SMARCC2: variants seen among roughly 807,000 people sequenced by gnomAD.
The protein encoded by SMARCC2 is SWI/SNF complex subunit SMARCC2.
Under a neutral mutation model 151.3 loss-of-function variants are expected in SMARCC2, and 15 were observed. That is an observed-to-expected ratio of 0.10 (90% CI 0.07 to 0.15). SMARCC2 has a LOEUF of 0.15. Among genes scored for constraint, SMARCC2 ranks in the 10% least tolerant of loss-of-function variants. The pLI is 1.00. For missense variants in SMARCC2, 1,031 were observed against 1,599.7 expected, an observed-to-expected ratio of 0.64 and a Z score of 6.06; for synonymous variants, 590 against 609.5, an observed-to-expected ratio of 0.97 and a Z score of 0.47.
At position 56,162,487 on chromosome 12, in the gene SMARCC2, G is replaced by T; in HGVS notation, c.*1202C>A. Reference sequence around the variant, plus strand: ...GAGGGAGAGAAACATGGGGACATGAGGAACAAAGGGCCTGGTGGGAGGAAC... The same window carrying T: ...GAGGGAGAGAAACATGGGGACATGATGAACAAAGGGCCTGGTGGGAGGAAC... On this transcript the variant is annotated 3_prime_UTR_variant, in exon 29 of 29. Transcript: ENST00000550164. The T allele has an allele frequency of 1.7e-6, 1 of 573,130 alleles. No homozygotes were observed. The highest frequency in any genetic ancestry group is 2.4e-5 in the South Asian group (1 of 42,502). The allele number at this position is 573,130 out of a possible 1,614,324, so 35.5% of individuals were successfully genotyped here.
At chr12:56,170,004 T>G (rs1324792591) in intron 23 of SMARCC2, 93 bp from the exon 24 acceptor site, 2 of 1,448,466 alleles carry the variant, frequency 1.4e-6, no homozygotes, top group Non-Finnish European at 1.9e-6. Context: ...AATTTATTCC[T>G]CTTACTTTGG....
intron 16 of SMARCC2, among the ~76,000 whole-genome samples, chr12:56,174,136 C>A (rs1874486351): frequency 6.6e-6 from 1 of 152,200 alleles, no homozygotes; most frequent in Admixed American, 6.5e-5. Context: ...CAGTTTCTTT[C>A]TTTTTTTCCC....
chr12:56,172,293 G>C (rs1874098921), intron 20 of SMARCC2, 135 bp downstream of exon 20: 2 of 763,456 alleles, frequency 2.6e-6, no homozygotes, highest in African/African-American at 3.5e-5. Flanking sequence ...TGTTGCCCAG[G>C]TTCATCTCGA....
At chr12:56,167,517 CTTTTT>C (rs1592278468) in intron 26 of SMARCC2, among the ~76,000 whole-genome samples, 1 of 152,124 alleles carries the variant, frequency 6.6e-6, no homozygotes, top group Admixed American at 6.6e-5. Flanking sequence ...TTGTCTATTT[CTTTTT>C]ATGTCCTCCA....
At chr12:56,178,639 G>A in intron 13 of SMARCC2, 105 bp from the exon 14 acceptor site, 3 of 1,540,174 alleles carry the variant, frequency 1.9e-6, no homozygotes, top group Non-Finnish European at 2.7e-6. Flanking sequence ...ATGGGTGATG[G>A]GACTGAGCAG....
chr12:56,183,694 TA>T, intron 7 of SMARCC2, 166 bp downstream of exon 7: 1 of 534,474 alleles, frequency 1.9e-6, no homozygotes, highest in East Asian at 3.0e-5. Context: ...GCTTGTCCAC[TA>T]AGTCCAAACC....
rs1025329696 is a variant in SMARCC2, at chr12:56,172,706, T to C, written c.1744-2A>G. ...CATTTGTTGGGAAGCAGAGGTCTGCTATTTGTGGAGGGAAAGAAACAGGTG... is the reference window on the plus strand; with the variant it reads ...CATTTGTTGGGAAGCAGAGGTCTGCCATTTGTGGAGGGAAAGAAACAGGTG... On this transcript the variant is annotated splice_acceptor_variant, in intron 18 of 28. Coordinates refer to ENST00000550164, the MANE Select transcript of SMARCC2 (RefSeq NM_001330288.2). LOFTEE classifies it high-confidence loss of function. The C allele has an allele frequency of 8.1e-6, 13 of 1,613,990 alleles. No individual in the cohort carries two copies. Among genetic ancestry groups the C allele is most frequent in the Non-Finnish European group, 1.1e-5 (13 of 1,180,046 alleles).
chr12:56,163,653 A>G lies in SMARCC2; in HGVS notation c.*36T>C. On this transcript the variant is annotated 3_prime_UTR_variant, in exon 29 of 29. Coordinates refer to ENST00000550164, the MANE Select transcript of SMARCC2 (RefSeq NM_001330288.2). ...GGCTGTTCCTGGAACCGTGATGTCC[A>G]CAGGGGGTGAGGGGGAGAGATGTCT... 7.8e-7 allele frequency: 1 copy of G among 1,286,848 alleles called. No individual in the cohort carries two copies. Among genetic ancestry groups the G allele is most frequent in the Non-Finnish European group, 1.1e-6 (1 of 948,902 alleles). The allele number at this position is 1,286,848 out of a possible 1,614,324, so 79.7% of individuals were successfully genotyped here.
chr12:56,166,651 G>T (rs1311410655), intron 26 of SMARCC2, among the ~76,000 whole-genome samples: 4 of 151,162 alleles, frequency 2.6e-5, no homozygotes, highest in African/African-American at 9.7e-5. Context: ...ATGCAATGGG[G>T]CAAACATGGC....
Position 56,182,003 on chromosome 12 carries a change from C to T in SMARCC2, c.708+1G>A. ...GAAGAGGGGATACAAGAAAAGCTCA[C>T]CTTCCTAGGTTTCTCAGGAGTTGGA... is the stretch of plus-strand genomic sequence containing the variant. On this transcript the variant is annotated splice_donor_variant, in intron 8 of 28. Coordinates refer to ENST00000550164, the MANE Select transcript of SMARCC2 (RefSeq NM_001330288.2). LOFTEE classifies it high-confidence loss of function. 6.2e-7 allele frequency: 1 copy of T among 1,609,390 alleles called. No homozygotes were observed. The highest frequency in any genetic ancestry group is 1.1e-5 in the South Asian group (1 of 90,492).
At chr12:56,172,053 T>C (rs1874047023) in intron 20 of SMARCC2, 116 bp from the exon 21 acceptor site, 1 of 902,280 alleles carries the variant, frequency 1.1e-6, no homozygotes, top group East Asian at 2.5e-5. Flanking sequence ...CTGGTATTTG[T>C]GTACTCTGCT....
At chr12:56,175,704 G>A (rs1285995210) in intron 15 of SMARCC2, among the ~76,000 whole-genome samples, 1 of 152,264 alleles carries the variant, frequency 6.6e-6, no homozygotes, top group East Asian at 1.9e-4. Context: ...CTTTATGCAG[G>A]TGACTTGACT....
chr12:56,162,512 C>A lies in SMARCC2; in HGVS notation c.*1177G>T. 1.8e-6 allele frequency: 1 copy of A among 558,132 alleles called. No individual in the cohort carries two copies. Among genetic ancestry groups the A allele is most frequent in the Non-Finnish European group, 3.1e-6 (1 of 319,190 alleles). 34.6% of individuals were successfully genotyped at this position (558,132 alleles called of 1,614,324 possible). A position where few individuals can be genotyped will look rare whatever the true frequency, so the allele number is the denominator to read the frequency against. ...GGAACAAAGGGCCTGGTGGGAGGAA[C>A]CAAGAAGAACCAGTGCAGAGCCTGG... On this transcript the variant is annotated 3_prime_UTR_variant, in exon 29 of 29. Coordinates refer to ENST00000550164, the MANE Select transcript of SMARCC2 (RefSeq NM_001330288.2).
Position 56,187,457 on chromosome 12 carries a change from AG to A in SMARCC2, c.112-152del, listed in dbSNP as rs1877478535. ...TAGTCTCTATAAAGAAAATGGCAAAAGGGAGGCCCTGGACACCCCAACCAGG... is the reference window on the plus strand; with the variant it reads ...TAGTCTCTATAAAGAAAATGGCAAAAGGAGGCCCTGGACACCCCAACCAGG... On this transcript the variant is annotated intron_variant, in intron 1 of 28. Coordinates refer to ENST00000550164, the MANE Select transcript of SMARCC2 (RefSeq NM_001330288.2). The A allele has an allele frequency of 4.1e-6, 3 of 727,560 alleles. No homozygotes were observed. In the South Asian group the frequency reaches 5.8e-5, roughly 14 times the overall value. The allele number at this position is 727,560 out of a possible 1,614,324, so 45.1% of individuals were successfully genotyped here. A position where few individuals can be genotyped will look rare whatever the true frequency, so the allele number is the denominator to read the frequency against.
chr12:56,174,788 CAAG>C (rs758888963), intron 15 of SMARCC2, 24 bp from the exon 16 acceptor site: 149 of 1,446,610 alleles, frequency 1.0e-4, no homozygotes, highest in Non-Finnish European at 1.3e-4. Flanking sequence ...GAGAGAGAAA[CAAG>C]AAGAAGAAAA....
intron 11 of SMARCC2, 74 bp downstream of exon 11, chr12:56,180,903 T>G (rs551494010): frequency 1.3e-6 from 2 of 1,483,052 alleles, no homozygotes; most frequent in Admixed American, 4.2e-5. Flanking sequence ...AGAAATCAGC[T>G]CACTTGGGGT....
At chr12:56,186,016 C>T (rs1213031178) in intron 3 of SMARCC2, 139 bp downstream of exon 3, 1 of 674,936 alleles carries the variant, frequency 1.5e-6, no homozygotes, top group African/African-American at 1.8e-5. Context: ...AACCATCTTC[C>T]TGACGTAGTA....
intron 17 of SMARCC2, 54 bp downstream of exon 17, chr12:56,173,642 T>G: frequency 6.6e-7 from 1 of 1,511,900 alleles, no homozygotes; most frequent in Non-Finnish European, 9.0e-7. Flanking sequence ...AAAGAAAAGT[T>G]CAAAGAAGCC....
intron 27 of SMARCC2, 60 bp from the exon 28 acceptor site, chr12:56,164,791 C>A (rs1396053344): frequency 7.3e-7 from 1 of 1,372,776 alleles, no homozygotes; most frequent in East Asian, 2.5e-5. Context: ...AACAACTCAC[C>A]TTTTCTATTT....
Sources: allele counts gnomAD v4.1 joint callset (sites outside exome capture counted in the v4.1 genomes callset), GRCh38; gene constraint gnomAD v4.1.1; transcripts MANE v1.5; gene names NCBI Gene and HGNC (gene_info 2026-07-23, HGNC 2026-07-21).